The following CPE variants were observed in gnomAD, a reference collection of about 807,000 sequenced individuals.
The protein encoded by CPE is carbocypeptidase E.
CPE carries 17 observed loss-of-function variants against 53.5 expected under a neutral mutation model. That is an observed-to-expected ratio of 0.32 (90% CI 0.22 to 0.48). CPE has a LOEUF of 0.48. Among genes scored for constraint, CPE ranks in the 20% least tolerant of loss-of-function variants. The pLI, the probability that CPE is intolerant of heterozygous loss-of-function variation, is 0.99. For synonymous variants in CPE, 226 were observed against 228.8 expected, an observed-to-expected ratio of 0.99 and a Z score of 0.11; for missense variants, 524 against 614.7, an observed-to-expected ratio of 0.85 and a Z score of 1.56.
At chr4:165,452,846 G>T (rs1389458362) in intron 1 of CPE, among the ~76,000 whole-genome samples, 1 of 152,160 alleles carries the variant, frequency 6.6e-6, no homozygotes, top group Non-Finnish European at 1.5e-5. Flanking sequence ...ACCCTGTACA[G>T]AATACAGCTG....
At chr4:165,475,863 G>A (rs1483459010) in intron 3 of CPE, among the ~76,000 whole-genome samples, 6 of 152,186 alleles carry the variant, frequency 3.9e-5, no homozygotes, top group African/African-American at 1.4e-4. Flanking sequence ...AGCGGGAGCA[G>A]AGCCATTGTG....
At chr4:165,453,460 C>T (rs944392586) in intron 1 of CPE, among the ~76,000 whole-genome samples, 1 of 151,682 alleles carries the variant, frequency 6.6e-6, no homozygotes. Context: ...TCATGGCTCA[C>T]TGCAGTCTCA....
intron 1 of CPE, chr4:165,405,711 G>A (rs1730942619): frequency 2.4e-6 from 2 of 837,434 alleles, no homozygotes; most frequent in East Asian, 2.6e-5. Flanking sequence ...CCACCAATTG[G>A]TCAACCAGTC....
intron 6 of CPE, among the ~76,000 whole-genome samples, chr4:165,489,156 TC>T (rs1732558334): frequency 6.6e-6 from 1 of 152,192 alleles, no homozygotes; most frequent in African/African-American, 2.4e-5. Context: ...TTTGGATGGA[TC>T]TTCTGAGAGC....
intron 1 of CPE, among the ~76,000 whole-genome samples, chr4:165,386,807 A>G (rs1730600608): frequency 6.6e-6 from 1 of 152,240 alleles, no homozygotes; most frequent in Non-Finnish European, 1.5e-5. Flanking sequence ...AAAACTCTGC[A>G]TGAGACCTGA....
At chr4:165,468,854 C>T (rs1732151733) in intron 3 of CPE, among the ~76,000 whole-genome samples, 1 of 152,168 alleles carries the variant, frequency 6.6e-6, no homozygotes, top group Non-Finnish European at 1.5e-5. Context: ...CTCCACTGCC[C>T]AGAAGATAAA....
chr4:165,423,177 T>G (rs1013568225), intron 1 of CPE, among the ~76,000 whole-genome samples: 7 of 152,104 alleles, frequency 4.6e-5, no homozygotes, highest in Non-Finnish European at 1.0e-4. Flanking sequence ...TCCTTTGTCC[T>G]CAAGAAATGT....
At chr4:165,485,263 T>G (rs374571366) in intron 5 of CPE, among the ~76,000 whole-genome samples, 1 of 152,150 alleles carries the variant, frequency 6.6e-6, no homozygotes, top group Non-Finnish European at 1.5e-5. Context: ...CACTCAAGGA[T>G]GAAGAGTGAA....
chr4:165,400,740 G>A (rs1327523658), intron 1 of CPE, among the ~76,000 whole-genome samples: 1 of 152,082 alleles, frequency 6.6e-6, no homozygotes, highest in African/African-American at 2.4e-5. Flanking sequence ...AGTAAAGAAG[G>A]AATAAACTAA....
intron 1 of CPE, among the ~76,000 whole-genome samples, chr4:165,396,857 C>T (rs1261391604): frequency 6.7e-6 from 1 of 149,236 alleles, no homozygotes; most frequent in African/African-American, 2.5e-5. Flanking sequence ...TGAGACCAGC[C>T]TGAGCAACAT....
At chr4:165,400,361 C>G (rs1462041369) in intron 1 of CPE, among the ~76,000 whole-genome samples, 1 of 152,096 alleles carries the variant, frequency 6.6e-6, no homozygotes, top group Non-Finnish European at 1.5e-5. Context: ...CAGGCAGAAA[C>G]TTAGAACACA....
intron 1 of CPE, among the ~76,000 whole-genome samples, chr4:165,422,362 T>C (rs1731240456): frequency 6.6e-6 from 1 of 152,046 alleles, no homozygotes. Flanking sequence ...GAATCTTCTC[T>C]TTACAATAAA....
In CPE at chr4:165,497,134, C is replaced by T. The variant is rs191011866; in HGVS notation, c.1333-378C>T. Among the ~76,000 whole-genome samples the T allele has an allele frequency of 2.4e-3, 361 of 152,122 alleles. 4 individuals carry two copies. The highest frequency in any genetic ancestry group is 0.02 in the Admixed American group (298 of 15,272). ...ATGTGGTTTCACCATGTTGGTCAGGCGGGCCTCGAATTCTTGACCTTGTGA... is the reference window on the plus strand; with the variant it reads ...ATGTGGTTTCACCATGTTGGTCAGGTGGGCCTCGAATTCTTGACCTTGTGA... On this transcript the variant is annotated intron_variant, in intron 8 of 8. Transcript: ENST00000402744.
intron 1 of CPE, among the ~76,000 whole-genome samples, chr4:165,450,070 G>A (rs943704927): frequency 6.6e-6 from 1 of 151,950 alleles, no homozygotes; most frequent in African/African-American, 2.4e-5. Context: ...AATTAAAGGT[G>A]ATTCGTTAGT....
Position 165,379,676 on chromosome 4 carries a change from G to A in CPE, c.307+148G>A. 1 of 850,006 alleles carries A rather than the reference G, an allele frequency of 1.2e-6. No individual in the cohort carries two copies. Among genetic ancestry groups the A allele is most frequent in the East Asian group, 2.9e-5 (1 of 35,054 alleles). The allele number at this position is 850,006 out of a possible 1,614,324, so 52.7% of individuals were successfully genotyped here. ...TCTAAGGTGGAAGGTGGGAAGTGGA[G>A]GGAGGGATGGAAATGGGGAAGAACC... On this transcript the variant is annotated intron_variant, in intron 1 of 8. Transcript: ENST00000402744. The surrounding 1 kb of genome is among the most constrained non-coding windows in gnomAD (Gnocchi z 6.0).
chr4:165,441,714 G>A (rs752323714), intron 1 of CPE, among the ~76,000 whole-genome samples: 37 of 152,198 alleles, frequency 2.4e-4, no homozygotes, highest in Non-Finnish European at 2.8e-4. Flanking sequence ...AAGCAAGATA[G>A]AGGGCATGAA....
chr4:165,485,923 G>A (rs188965207), intron 5 of CPE, among the ~76,000 whole-genome samples: 102 of 152,288 alleles, frequency 6.7e-4, no homozygotes, highest in Non-Finnish European at 1.2e-3. Context: ...GACAAACCCT[G>A]TAGGGAAGTG....
intron 1 of CPE, among the ~76,000 whole-genome samples, chr4:165,461,188 G>GAAAGAAAGAAAAAAAA (rs34340568): frequency 2.5e-5 from 2 of 81,210 alleles, no homozygotes; most frequent in Non-Finnish European, 4.6e-5. Context: ...AAAAAAAAAA[G>GAAAGAAAGAAAAAAAA]AAAGAAAGAA....
intron 6 of CPE, 35 bp downstream of exon 6, chr4:165,487,612 T>A (rs774329190): frequency 3.1e-6 from 5 of 1,612,390 alleles, no homozygotes; most frequent in Non-Finnish European, 4.2e-6. Flanking sequence ...ATGCAAGGTT[T>A]ACAAGCATTC....
Sources: gnomAD v4.1 joint callset for allele counts (sites outside exome capture counted in the v4.1 genomes callset) on GRCh38, gnomAD v4.1.1 for gene constraint, Gnocchi (gnomAD v3.1) non-coding constraint, MANE v1.5 for transcripts, NCBI Gene and HGNC (gene_info 2026-07-23, HGNC 2026-07-21) for gene names.